Variants in DAAM1 observed in about 807,000 individuals in gnomAD.
The protein encoded by DAAM1 is dishevelled associated activator of morphogenesis 1.
A neutral mutation model predicts 130.0 loss-of-function variants in DAAM1; 52 were observed. That is an observed-to-expected ratio of 0.40 (90% confidence interval 0.32 to 0.50). The LOEUF (loss-of-function observed/expected upper bound fraction) is 0.50. Ranked by LOEUF, DAAM1 falls within the 20% of genes least tolerant of loss-of-function variation. The pLI is 0.61. For synonymous variants in DAAM1, 452 were observed against 444.5 expected (o/e 1.02, Z -0.21); for missense variants, 1,134 against 1,303.8 (o/e 0.87, Z 2.01).
intron 12 of DAAM1, among the ~76,000 whole-genome samples, chr14:59,330,186 T>C (rs1281471578): frequency 6.6e-6 from 1 of 152,250 alleles, no homozygotes; most frequent in East Asian, 1.9e-4. Context: ...AGATTCTGAA[T>C]CAACTACCAA....
chr14:59,269,855 TGAAA>T (rs1419328261), intron 2 of DAAM1, among the ~76,000 whole-genome samples: 6 of 152,106 alleles, frequency 3.9e-5, no homozygotes, highest in African/African-American at 1.4e-4. Flanking sequence ...CTCAGGTAAC[TGAAA>T]GAAGTTCAGT....
chr14:59,266,232 G>C (rs764627100), intron 2 of DAAM1: 4 of 149,420 alleles, frequency 2.7e-5, no homozygotes, highest in Non-Finnish European at 4.5e-5. Context: ...CCCTCAAGTT[G>C]GTGTTTGGAT....
chr14:59,255,158 A>G (rs1881820946), intron 1 of DAAM1, among the ~76,000 whole-genome samples: 1 of 152,160 alleles, frequency 6.6e-6, no homozygotes, highest in Admixed American at 6.5e-5. Context: ...CAGAAAAGTT[A>G]CTGGGTCTAG....
chr14:59,256,881 A>G (rs1422502731), intron 1 of DAAM1, among the ~76,000 whole-genome samples: 1 of 152,210 alleles, frequency 6.6e-6, no homozygotes, highest in Non-Finnish European at 1.5e-5. Flanking sequence ...TCAGATCATG[A>G]TGGCTGAGTC....
intron 2 of DAAM1, among the ~76,000 whole-genome samples, chr14:59,280,035 G>C (rs1371256969): frequency 6.6e-6 from 1 of 152,144 alleles, no homozygotes; most frequent in South Asian, 2.1e-4. Context: ...ACTGCATTGA[G>C]ATCGTACTTA....
rs1340352441 is a variant in DAAM1 at position 59,309,390 on chromosome 14, T to A, written c.274-5890T>A. Among the ~76,000 whole-genome samples the A allele has an allele frequency of 3.3e-5, 5 of 152,228 alleles. No homozygotes were observed. The East Asian group carries it at 9.6e-4, about 29-fold the overall frequency. On this transcript the variant is annotated intron_variant, in intron 3 of 24. Coordinates refer to ENST00000360909, the MANE Select transcript of DAAM1 (RefSeq NM_001270520.2). ...TACTGGGCAAATTCCAAACACTTTATGAGCTTATCTTAATTTATAGCGGCA... is the reference window on the plus strand; with the variant it reads ...TACTGGGCAAATTCCAAACACTTTAAGAGCTTATCTTAATTTATAGCGGCA...
chr14:59,311,543 A>G (rs4898984), intron 3 of DAAM1, among the ~76,000 whole-genome samples: 82,670 of 148,790 alleles, frequency 0.56, 23,473 homozygotes, highest in East Asian at 0.89. Flanking sequence ...CATGGTATAG[A>G]AGTTTATAAG....
At chr14:59,354,302 T>C (rs564546613) in intron 19 of DAAM1, among the ~76,000 whole-genome samples, 27 of 152,280 alleles carry the variant, frequency 1.8e-4, no homozygotes, top group South Asian at 1.2e-3. Context: ...CCTCGTGATC[T>C]GCCCACCTTG....
intron 1 of DAAM1, among the ~76,000 whole-genome samples, chr14:59,250,519 A>G (rs895191580): frequency 1.3e-5 from 2 of 152,220 alleles, no homozygotes; most frequent in South Asian, 4.1e-4. Context: ...ATAACAACTA[A>G]GGAGTTATTG....
rs574062572 is a variant in DAAM1, at chr14:59,370,657, A to T, written c.*1798A>T. On this transcript the variant is annotated 3_prime_UTR_variant, in exon 25 of 25. Transcript: ENST00000360909. ...GAAATAAATGACTAGCAAATAAAAC[A>T]GTCATAAATACAAAGCAGAGGTTGC... 5.9e-5 allele frequency: 9 copies of T among 152,288 alleles called. 1 individual carries two copies. Among genetic ancestry groups the T allele is most frequent in the African/African-American group, 2.2e-4 (9 of 41,578 alleles). 9.4% of individuals were successfully genotyped at this position (152,288 alleles called of 1,614,324 possible).
At chr14:59,216,426 A>G (rs1420800691) in intron 1 of DAAM1, among the ~76,000 whole-genome samples, 1 of 152,238 alleles carries the variant, frequency 6.6e-6, no homozygotes, top group African/African-American at 2.4e-5. Context: ...ATCAATTGCA[A>G]GAGTCAATTT....
At chr14:59,241,781 A>G (rs745312525) in intron 1 of DAAM1, among the ~76,000 whole-genome samples, 4 of 152,202 alleles carry the variant, frequency 2.6e-5, no homozygotes, top group Admixed American at 1.3e-4. Context: ...AGAGGGATAA[A>G]TCATGTGACC....
In DAAM1 at chr14:59,370,195, T is replaced by TG. The variant is rs1213493403; in HGVS notation, c.*1341dup. The TG allele has an allele frequency of 2.7e-5, 4 of 145,612 alleles. No homozygotes were observed. 9.0% of individuals were successfully genotyped at this position (145,612 alleles called of 1,614,324 possible). A position where few individuals can be genotyped will look rare whatever the true frequency, so the allele number is the denominator to read the frequency against. On this transcript the variant is annotated 3_prime_UTR_variant, in exon 25 of 25. Transcript: ENST00000360909. Reference sequence around the variant, plus strand: ...TGGCTTTGCTTTATTTATTTGTAGTTGGGGGCTAACGTTTTCTCTTTTCTT... The same window carrying TG: ...TGGCTTTGCTTTATTTATTTGTAGTTGGGGGGCTAACGTTTTCTCTTTTCTT...
intron 1 of DAAM1, among the ~76,000 whole-genome samples, chr14:59,241,897 CT>C (rs1048801457): frequency 6.6e-6 from 1 of 151,800 alleles, no homozygotes; most frequent in Non-Finnish European, 1.5e-5. Flanking sequence ...CTCTCTCTCT[CT>C]TTTTTTTCCC....
chr14:59,360,090 C>A (rs1219416106), intron 21 of DAAM1, among the ~76,000 whole-genome samples: 2 of 151,818 alleles, frequency 1.3e-5, no homozygotes, highest in African/African-American at 4.8e-5. Context: ...CTCATTTTTT[C>A]CCTCTGTTCA....
intron 1 of DAAM1, among the ~76,000 whole-genome samples, chr14:59,223,843 A>G (rs1252983): frequency 0.98 from 149,842 of 152,322 alleles, 73,745 homozygotes; most frequent in East Asian, 1. Flanking sequence ...TTTCACTGAG[A>G]TGGAAGACCT....
At chr14:59,266,588 A>G (rs997134232) in intron 2 of DAAM1, among the ~76,000 whole-genome samples, 1 of 152,236 alleles carries the variant, frequency 6.6e-6, no homozygotes. Context: ...TGGAGAACAA[A>G]TTATCTTGAG....
chr14:59,198,721 C>G (rs1887995153), intron 1 of DAAM1, among the ~76,000 whole-genome samples: 1 of 152,268 alleles, frequency 6.6e-6, no homozygotes, highest in South Asian at 2.1e-4. Context: ...TTACATGTAA[C>G]TTCTGTTTGG....
rs74401873 is a variant in DAAM1 at position 59,202,064 on chromosome 14, A to G, written c.-38+13296A>G. On this transcript the variant is annotated intron_variant, in intron 1 of 24. Coordinates refer to ENST00000360909, the MANE Select transcript of DAAM1 (RefSeq NM_001270520.2). The stretch of plus-strand genomic sequence containing the variant: ...ACAAACTACCCATTCACAAATAATC[A>G]GTACCATGAGCATCCTTGAGATAAA... 6.2e-4 allele frequency among the ~76,000 whole-genome samples: 94 copies of G among 152,372 alleles called. 1 individual carries two copies. The East Asian group carries it at 0.016, about 27-fold the overall frequency.
Sources: gnomAD v4.1 joint callset for allele counts (sites outside exome capture counted in the v4.1 genomes callset) on GRCh38, gnomAD v4.1.1 for gene constraint, MANE v1.5 for transcripts, NCBI Gene and HGNC (gene_info 2026-07-23, HGNC 2026-07-21) for gene names.